SCFD2: variants seen among roughly 807,000 people sequenced by gnomAD.
SCFD2 encodes the protein sec1 family domain containing 2.
A neutral mutation model predicts 58.9 loss-of-function variants in SCFD2; 54 were observed. That is an observed-to-expected ratio of 0.92 (90% CI 0.74 to 1.15). SCFD2 has a LOEUF of 1.15. Among genes scored for constraint, SCFD2 ranks in the 50% most tolerant of loss-of-function variants. The pLI is 0.00. For missense variants in SCFD2, 805 were observed against 836.6 expected (o/e 0.96, Z 0.47); for synonymous variants, 321 against 335.9 (o/e 0.96, Z 0.49).
chr4:53,013,127 T>C (rs888628476), intron 5 of SCFD2, among the ~76,000 whole-genome samples: 45 of 152,172 alleles, frequency 3.0e-4, no homozygotes, highest in African/African-American at 1.0e-3. Flanking sequence ...AGCCATCTAA[T>C]AGAGACAAGG....
intron 8 of SCFD2, among the ~76,000 whole-genome samples, chr4:52,878,037 T>G (rs917693965): frequency 2.0e-5 from 3 of 152,082 alleles, no homozygotes; most frequent in African/African-American, 7.2e-5. Flanking sequence ...CAAAGACCCC[T>G]CCTCCATTGC....
chr4:52,884,229 G>A (rs1352030431), intron 8 of SCFD2, among the ~76,000 whole-genome samples: 1 of 152,188 alleles, frequency 6.6e-6, no homozygotes, highest in African/African-American at 2.4e-5. Flanking sequence ...ATGGGGATGT[G>A]GGTAGATATG....
chr4:52,891,519 G>A (rs767584715), intron 7 of SCFD2, among the ~76,000 whole-genome samples: 7 of 152,218 alleles, frequency 4.6e-5, no homozygotes, highest in Non-Finnish European at 1.0e-4. Context: ...TGTCCAAAGC[G>A]GCTGAACTAG....
rs189525893 is a variant in SCFD2, at chr4:53,174,884, T to G, written c.1312-29302A>C. 3.3e-5 allele frequency among the ~76,000 whole-genome samples: 5 copies of G among 152,346 alleles called. No individual in the cohort carries two copies. In the East Asian group the frequency reaches 9.6e-4, roughly 29 times the overall value. On this transcript the variant is annotated intron_variant, in intron 4 of 8. Coordinates refer to ENST00000401642, the MANE Select transcript of SCFD2 (RefSeq NM_152540.4). ...AGTTAGCATGGGATGTTTTTGTTTA[T>G]AAGAACGATTTATGTCATCCATATA...
chr4:53,258,538 G>GTATATATATATATAAATATATA (rs1730722743), intron 4 of SCFD2, among the ~76,000 whole-genome samples: 1 of 119,952 alleles, frequency 8.3e-6, no homozygotes, highest in African/African-American at 3.4e-5. Flanking sequence ...TGGTGTGTGT[G>GTATATATATATATAAATATATA]TATATATATA....
chr4:53,336,602 G>A (rs906734136), intron 2 of SCFD2, among the ~76,000 whole-genome samples: 14 of 151,832 alleles, frequency 9.2e-5, no homozygotes, highest in African/African-American at 2.9e-4. Context: ...ATGGCTCACC[G>A]TAGCCTCGAA....
At chr4:53,166,500 C>T (rs1383418836) in intron 4 of SCFD2, among the ~76,000 whole-genome samples, 1 of 151,440 alleles carries the variant, frequency 6.6e-6, no homozygotes, top group Admixed American at 6.6e-5. Flanking sequence ...TAAGGAGGTA[C>T]ATAGAGAGAT....
At chr4:53,204,413 G>A (rs1175243956) in intron 4 of SCFD2, among the ~76,000 whole-genome samples, 1 of 151,132 alleles carries the variant, frequency 6.6e-6, no homozygotes, top group East Asian at 1.9e-4. Flanking sequence ...TTAGAATACA[G>A]ACATGTACAC....
At chr4:53,166,543 AT>A (rs527604437) in intron 4 of SCFD2, among the ~76,000 whole-genome samples, 466 of 152,292 alleles carry the variant, frequency 3.1e-3, no homozygotes, top group Non-Finnish European at 5.2e-3. Context: ...AAAGAGACAA[AT>A]TTTGAAGTTA....
intron 4 of SCFD2, among the ~76,000 whole-genome samples, chr4:53,270,865 A>T (rs1194568287): frequency 6.6e-6 from 1 of 152,148 alleles, no homozygotes; most frequent in Non-Finnish European, 1.5e-5. Flanking sequence ...AAACTGGGGG[A>T]AAAAACACTT....
chr4:53,335,301 G>A (rs1336137182), intron 2 of SCFD2, among the ~76,000 whole-genome samples: 1 of 151,230 alleles, frequency 6.6e-6, no homozygotes. Flanking sequence ...TAATTGTGAG[G>A]AAACATTAAA....
intron 4 of SCFD2, among the ~76,000 whole-genome samples, chr4:53,198,519 A>C (rs567804303): frequency 3.3e-5 from 5 of 152,256 alleles, no homozygotes; most frequent in African/African-American, 1.2e-4. Context: ...TATTGTAATC[A>C]TGTTTAAATG....
intron 7 of SCFD2, among the ~76,000 whole-genome samples, chr4:52,897,119 T>C (rs1310600532): frequency 1.3e-5 from 2 of 152,334 alleles, no homozygotes; most frequent in African/African-American, 4.8e-5. Context: ...CAATTTGACT[T>C]CCTCTTTTCC....
At chr4:53,311,389 C>A (rs1732685334) in intron 3 of SCFD2, among the ~76,000 whole-genome samples, 1 of 151,782 alleles carries the variant, frequency 6.6e-6, no homozygotes, top group African/African-American at 2.4e-5. Context: ...TTTTGATTGA[C>A]AGAAAACTCA....
Position 53,354,504 on chromosome 4 carries a change from C to T in SCFD2, c.839-1738G>A, listed in dbSNP as rs1309948496. ...CAAGTGAGCTGGCTCCGGCCTCAAC[C>T]AGCCCAGAGAGGGGCTCCCACAGTG... On this transcript the variant is annotated intron_variant, in intron 1 of 8. Coordinates refer to ENST00000401642, the MANE Select transcript of SCFD2 (RefSeq NM_152540.4). Among the ~76,000 whole-genome samples the T allele has an allele frequency of 2.0e-5, 3 of 152,338 alleles. No homozygotes were observed. In the East Asian group the frequency reaches 5.8e-4, roughly 29 times the overall value.
At chr4:52,961,699 C>T (rs1401122505) in intron 5 of SCFD2, among the ~76,000 whole-genome samples, 1 of 152,128 alleles carries the variant, frequency 6.6e-6, no homozygotes, top group Non-Finnish European at 1.5e-5. Flanking sequence ...CCACTGACGA[C>T]TTATGGGTGA....
rs561926490 is a variant in SCFD2, at chr4:53,154,618, T to C, written c.1312-9036A>G. Among the ~76,000 whole-genome samples the C allele has an allele frequency of 3.9e-5, 6 of 152,358 alleles. No homozygotes were observed. The South Asian group carries it at 1.0e-3, about 26-fold the overall frequency. ...CCAAGCCATGGTGTGTGCAGGCTTA[T>C]AGGATGTTGCCAGTGGGAGCCTGAC... On this transcript the variant is annotated intron_variant, in intron 4 of 8. Coordinates refer to ENST00000401642, the MANE Select transcript of SCFD2 (RefSeq NM_152540.4).
Position 52,885,872 on chromosome 4 carries a change from A to G in SCFD2, c.1843-6T>C, listed in dbSNP as rs950727720. On this transcript the variant is annotated splice_region_variant and splice_polypyrimidine_tract_variant and intron_variant, in intron 7 of 8. Transcript: ENST00000401642. Reference sequence around the variant, plus strand: ...CTAGGATGAGGCCGGCTCACCTGCAAAACAAAACACCAGCAATATCAGATG... The same window carrying G: ...CTAGGATGAGGCCGGCTCACCTGCAGAACAAAACACCAGCAATATCAGATG... 2 of 1,613,944 alleles carry G rather than the reference A, an allele frequency of 1.2e-6. No homozygotes were observed. The highest frequency in any genetic ancestry group is 1.7e-6 in the Non-Finnish European group (2 of 1,179,850).
At chr4:53,009,614 G>C (rs115069280) in intron 5 of SCFD2, among the ~76,000 whole-genome samples, 4 of 152,114 alleles carry the variant, frequency 2.6e-5, no homozygotes, top group Non-Finnish European at 4.4e-5. Flanking sequence ...CTTCGTTCTC[G>C]TAATTCTGAG....
Sources: allele counts gnomAD v4.1 joint callset (sites outside exome capture counted in the v4.1 genomes callset), GRCh38; gene constraint gnomAD v4.1.1; transcripts MANE v1.5; gene names NCBI Gene and HGNC (gene_info 2026-07-23, HGNC 2026-07-21).